Variants in DGKI observed in about 807,000 individuals in gnomAD.
DGKI encodes DAG kinase iota.
DGKI carries 55 observed loss-of-function variants against 147.5 expected under a neutral mutation model. The ratio of observed to expected loss-of-function variants is 0.37; its 90% CI spans 0.30 to 0.47. The LOEUF is 0.47. DGKI is among the 20% of genes least tolerant of loss of function. DGKI has a pLI of 1.00. For synonymous variants in DGKI, 469 were observed against 477.1 expected (o/e 0.98, Z 0.22); for missense variants, 1,007 against 1,323.8 (o/e 0.76, Z 3.71).
intron 19 of DGKI, among the ~76,000 whole-genome samples, chr7:137,562,550 A>G (rs1457811103): frequency 2.0e-5 from 3 of 152,176 alleles, no homozygotes; most frequent in Non-Finnish European, 4.4e-5. Flanking sequence ...AATAAAAAAG[A>G]GCATAAGGTA....
intron 1 of DGKI, among the ~76,000 whole-genome samples, chr7:137,758,826 A>G (rs898801604): frequency 1.3e-5 from 2 of 152,172 alleles, no homozygotes; most frequent in African/African-American, 2.4e-5. Flanking sequence ...ATCAGGAGAT[A>G]GATACTCAAA....
intron 6 of DGKI, among the ~76,000 whole-genome samples, chr7:137,627,010 C>T (rs1820965322): frequency 6.6e-6 from 1 of 152,212 alleles, no homozygotes; most frequent in African/African-American, 2.4e-5. Context: ...TCTTCCACTC[C>T]TTTGCATTAT....
At chr7:137,800,954 T>C (rs979792843) in intron 1 of DGKI, among the ~76,000 whole-genome samples, 7 of 152,214 alleles carry the variant, frequency 4.6e-5, no homozygotes, top group African/African-American at 1.4e-4. Context: ...TTGTAGAATT[T>C]GAAGCAAAGA....
intron 30 of DGKI, among the ~76,000 whole-genome samples, chr7:137,402,384 A>T (rs1268440669): frequency 6.6e-6 from 1 of 152,180 alleles, no homozygotes; most frequent in African/African-American, 2.4e-5. Flanking sequence ...AGTATTCAGG[A>T]GACACCCAGG....
At chr7:137,705,514 A>G (rs1236901619) in intron 1 of DGKI, among the ~76,000 whole-genome samples, 1 of 152,192 alleles carries the variant, frequency 6.6e-6, no homozygotes, top group African/African-American at 2.4e-5. Flanking sequence ...AAGTTATAGA[A>G]CAGGAAAAAC....
intron 27 of DGKI, among the ~76,000 whole-genome samples, chr7:137,462,755 G>A (rs1208184516): frequency 6.6e-6 from 1 of 152,144 alleles, no homozygotes; most frequent in Non-Finnish European, 1.5e-5. Flanking sequence ...CACTGGATTT[G>A]CATAACCTCT....
Position 137,571,293 on chromosome 7 carries a change from G to A in DGKI, c.1836-7C>T. On this transcript the variant is annotated splice_polypyrimidine_tract_variant and splice_region_variant and intron_variant, in intron 18 of 32. Coordinates refer to ENST00000614521, the MANE Select transcript of DGKI (RefSeq NM_001321708.2). ...CATTGTGCCAGCACAATATCTGCAA[G>A]AGAAGATTAAAGACAGAAGTAAATA... 6.2e-7 allele frequency: 1 copy of A among 1,601,864 alleles called. No individual in the cohort carries two copies. The highest frequency in any genetic ancestry group is 8.5e-7 in the Non-Finnish European group (1 of 1,171,386).
chr7:137,633,785 A>G (rs932035686), intron 6 of DGKI, among the ~76,000 whole-genome samples: 1 of 152,238 alleles, frequency 6.6e-6, no homozygotes, highest in Non-Finnish European at 1.5e-5. Flanking sequence ...ATTCAAAACT[A>G]TTTGCAAGTG....
At chr7:137,612,011 TA>T (rs1820380337) in intron 8 of DGKI, among the ~76,000 whole-genome samples, 1 of 152,162 alleles carries the variant, frequency 6.6e-6, no homozygotes, top group Non-Finnish European at 1.5e-5. Context: ...TGTCAGCAAT[TA>T]AACTCCATGA....
At chr7:137,491,197 A>AATT (rs1437107428) in intron 21 of DGKI, among the ~76,000 whole-genome samples, 1 of 152,136 alleles carries the variant, frequency 6.6e-6, no homozygotes, top group Non-Finnish European at 1.5e-5. Flanking sequence ...GCTGAGGTTA[A>AATT]AGGAGGTGGT....
rs200812531 is a variant in DGKI, at chr7:137,846,402, T to A, written c.401+60A>T. The A allele has an allele frequency of 0.36, 42 of 116 alleles. 1 individual carries two copies. Among genetic ancestry groups the A allele is most frequent in the South Asian group, 0.5 (25 of 50 alleles). 0.0% of individuals were successfully genotyped at this position (116 alleles called of 1,614,324 possible). ...CTCCGCGGAAGCGCCCCTTGCTGGG[T>A]AGAAGAGTGGGTCTCCCGCCGCGGC... On this transcript the variant is annotated intron_variant, in intron 1 of 32. Coordinates refer to ENST00000614521, the MANE Select transcript of DGKI (RefSeq NM_001321708.2). The surrounding 1 kb of genome is among the most constrained non-coding windows in gnomAD (Gnocchi z 4.0).
At chr7:137,487,744 C>T in intron 21 of DGKI, 55 bp from the exon 22 acceptor site, 1 of 1,497,260 alleles carries the variant, frequency 6.7e-7, no homozygotes, top group Non-Finnish European at 9.3e-7. Context: ...TTTTCTATAT[C>T]AGCATAAATG....
chr7:137,423,241 G>A (rs1355956071), intron 28 of DGKI, among the ~76,000 whole-genome samples: 1 of 152,150 alleles, frequency 6.6e-6, no homozygotes, highest in Non-Finnish European at 1.5e-5. Context: ...AGTGCTGCTG[G>A]CCTGTAGCTC....
chr7:137,693,510 T>C (rs3800627), intron 1 of DGKI, among the ~76,000 whole-genome samples: 20,516 of 152,226 alleles, frequency 0.13, 3,962 homozygotes, highest in African/African-American at 0.43. Flanking sequence ...AGACCTCTAA[T>C]ATATTTAAAA....
intron 2 of DGKI, among the ~76,000 whole-genome samples, chr7:137,679,483 T>A (rs1009257678): frequency 6.6e-6 from 1 of 151,850 alleles, no homozygotes; most frequent in Non-Finnish European, 1.5e-5. Flanking sequence ...AATTATAGAT[T>A]TATATATTAA....
chr7:137,630,950 TATC>T (rs1295098831), intron 6 of DGKI, among the ~76,000 whole-genome samples: 2 of 152,174 alleles, frequency 1.3e-5, no homozygotes, highest in Non-Finnish European at 1.5e-5. Flanking sequence ...CAATAAAAAT[TATC>T]ATTTTAATGC....
chr7:137,582,239 T>C (rs1035055442), intron 14 of DGKI, among the ~76,000 whole-genome samples: 6 of 152,240 alleles, frequency 3.9e-5, no homozygotes, highest in East Asian at 1.9e-4. Flanking sequence ...GAAGGATATA[T>C]ATTTGCAATA....
rs573111711 is a variant in DGKI, at chr7:137,824,289, G to A, written c.401+22173C>T. Among the ~76,000 whole-genome samples, 14 of 152,258 alleles carry A rather than the reference G, an allele frequency of 9.2e-5. No homozygotes were observed. In the East Asian group the frequency reaches 2.7e-3, roughly 29 times the overall value. On this transcript the variant is annotated intron_variant, in intron 1 of 32. Transcript: ENST00000614521. ...CCCAGCACTTTGGGAAGCCGAGGCG[G>A]GTGGATAACCTGAGGTCAGGAGTTC...
At chr7:137,640,743 T>C (rs1432835593) in intron 6 of DGKI, among the ~76,000 whole-genome samples, 1 of 152,232 alleles carries the variant, frequency 6.6e-6, no homozygotes. Context: ...GAACTAGTTT[T>C]AAACACTTTG....
Sources: gnomAD v4.1 joint callset for allele counts (sites outside exome capture counted in the v4.1 genomes callset) on GRCh38, gnomAD v4.1.1 for gene constraint, Gnocchi (gnomAD v3.1) non-coding constraint, MANE v1.5 for transcripts, NCBI Gene and HGNC (gene_info 2026-07-23, HGNC 2026-07-21) for gene names.